Variants in CEP131 observed in about 807,000 individuals in gnomAD.
CEP131 encodes centrosomal protein 131, also known as centrosomal protein of 131 kDa.
A neutral mutation model predicts 136.8 loss-of-function variants in CEP131; 99 were observed. The ratio of observed to expected loss-of-function variants is 0.72; its 90% CI spans 0.62 to 0.86. The LOEUF is 0.86. Among genes scored for constraint, CEP131 ranks in the 40% least tolerant of loss-of-function variants. CEP131 has a pLI of 0.00. For synonymous variants in CEP131, 646 were observed against 612.7 expected, an observed-to-expected ratio of 1.05 and a Z score of -0.80; for missense variants, 1,459 against 1,463.0, an observed-to-expected ratio of 1.00 and a Z score of 0.04.
intron 1 of CEP131, among the ~76,000 whole-genome samples, chr17:81,222,104 C>T (rs1269214786): frequency 6.6e-6 from 1 of 152,234 alleles, no homozygotes; most frequent in Non-Finnish European, 1.5e-5. Flanking sequence ...GCCCTTGGAG[C>T]CCAGGACTCT....
intron 2 of CEP131, among the ~76,000 whole-genome samples, chr17:81,209,450 A>G (rs548975039): frequency 6.6e-6 from 1 of 152,360 alleles, no homozygotes; most frequent in Non-Finnish European, 1.5e-5. Context: ...AGGACTAAGG[A>G]GACGCAACCA....
In CEP131 at chr17:81,193,996, C is replaced by A. The variant is rs750745989; in HGVS notation, c.2251G>T (p.Glu751Ter). 1.3e-6 allele frequency: 2 copies of A among 1,555,344 alleles called. No individual in the cohort carries two copies. The highest frequency in any genetic ancestry group is 2.3e-5 in the East Asian group (1 of 42,728). ...ASQRCLRQAE[E>*]LREQLEREKE... Reference sequence around the variant, plus strand: ...TCCCGCTCCAGCTGCTCCCGCAGCTCCTCGGCCTGGCGCAGGCAGCGCTGC... The same window carrying A: ...TCCCGCTCCAGCTGCTCCCGCAGCTACTCGGCCTGGCGCAGGCAGCGCTGC... Residue 751 changes from glutamate (E) to a stop codon, truncating the protein, a stop_gained, in exon 18 of 26, where the codon GAG (glutamate) becomes TAG (stop). Transcript: ENST00000450824. LOFTEE classifies it high-confidence loss of function.
intron 5 of CEP131, among the ~76,000 whole-genome samples, chr17:81,205,456 A>G: frequency 1.8e-4 from 3 of 17,056 alleles, no homozygotes; most frequent in Middle Eastern, 0.033. Context: ...GTGGGGGGGT[A>G]GGAGGGGCGG....
rs1338661118 is a variant in CEP131, at chr17:81,197,055, C to T, written c.1648G>A (p.Gly550Arg). Reference sequence around the variant, plus strand: ...CCCGGCCCCGCCTCCGGCACCCACCCCTGCAGACACAGCCGAGCGTCAGGC... The same window carrying T: ...CCCGGCCCCGCCTCCGGCACCCACCTCTGCAGACACAGCCGAGCGTCAGGC... Reference protein sequence around the residue: ...GQDQLDSQQEGWVPEAGPGPL... With the variant: ...GQDQLDSQQERWVPEAGPGPL... The change falls in exon 14 of 26, where the codon GGG (glycine) becomes AGG (arginine). Residue 550 changes from glycine to arginine, a missense_variant and splice_region_variant. Around this residue, in one of 3 missense-constraint regions of CEP131, gnomAD observed 1,026 missense variants for 964.2 expected, o/e 1.06. Coordinates refer to ENST00000450824, the MANE Select transcript of CEP131 (RefSeq NM_014984.4). 3.2e-6 allele frequency: 5 copies of T among 1,585,944 alleles called. No homozygotes were observed. The highest frequency in any genetic ancestry group is 4.3e-6 in the Non-Finnish European group (5 of 1,166,400).
In CEP131 at chr17:81,219,124, A is replaced by T. The variant is rs556443733; in HGVS notation, c.177+756T>A. On this transcript the variant is annotated intron_variant, in intron 2 of 25. Coordinates refer to ENST00000450824, the MANE Select transcript of CEP131 (RefSeq NM_014984.4). The surrounding 1 kb of genome is among the most constrained non-coding windows in gnomAD (Gnocchi z 4.0). ...GCCCGGCCTGCCTTTCACAGCCCCC[A>T]TCTGGGAACCACCCACCCTCCTCCC... is the stretch of plus-strand genomic sequence containing the variant. Among the ~76,000 whole-genome samples the T allele has an allele frequency of 2.1e-3, 319 of 151,918 alleles. 2 individuals are homozygous for T. The highest frequency in any genetic ancestry group is 7.5e-3 in the African/African-American group (309 of 41,392).
In CEP131 at chr17:81,194,079, A is replaced by G; in HGVS notation, c.2168T>C (p.Val723Ala). The G allele has an allele frequency of 1.3e-6, 2 of 1,577,638 alleles. No individual in the cohort carries two copies. ...QKLIARHKQE[V>A]RRLKSLHEAE... The stretch of plus-strand genomic sequence containing the variant: ...CTCGTGCAGGCTCTTGAGCCTCCGC[A>G]CTTCCTGCTTGTGCCTTGCAATCAG... The change falls in exon 18 of 26, where the codon GTG becomes GCG. Residue 723 changes from valine (V) to alanine (A), a missense_variant. Coordinates refer to ENST00000450824, the MANE Select transcript of CEP131 (RefSeq NM_014984.4).
At chr17:81,197,450 C>A (rs892756001) in intron 13 of CEP131, 2 of 566,220 alleles carry the variant, frequency 3.5e-6, no homozygotes, top group African/African-American at 1.9e-5. Context: ...CAGCTCGGGG[C>A]AGCGGGTAGG....
intron 24 of CEP131, 75 bp from the exon 25 acceptor site, chr17:81,190,050 G>A (rs919440226): frequency 2.2e-5 from 29 of 1,342,374 alleles, no homozygotes; most frequent in Middle Eastern, 2.3e-4. Context: ...TGCACAGGGT[G>A]CACGGGGCAG....
Position 81,208,909 on chromosome 17 carries a change from C to T in CEP131, c.272+19G>A. 6.2e-7 allele frequency: 1 copy of T among 1,606,404 alleles called. No homozygotes were observed. The highest frequency in any genetic ancestry group is 8.5e-7 in the Non-Finnish European group (1 of 1,174,282). The stretch of plus-strand genomic sequence containing the variant: ...GTCCCGGGAAGGGGCCAGGGTTATC[C>T]AAGGGCCTTAGGGGTTACCTGGGGG... On this transcript the variant is annotated intron_variant, in intron 3 of 25. Coordinates refer to ENST00000450824, the MANE Select transcript of CEP131 (RefSeq NM_014984.4). The surrounding 1 kb of genome is among the most constrained non-coding windows in gnomAD (Gnocchi z 5.6).
chr17:81,207,931 CACACCAT>C (rs2146652429), intron 3 of CEP131, among the ~76,000 whole-genome samples: 4 of 146,626 alleles, frequency 2.7e-5, no homozygotes, highest in Non-Finnish European at 3.0e-5. Context: ...ACACACACCA[CACACCAT>C]ACACCACACA....
intron 19 of CEP131, 51 bp downstream of exon 19, chr17:81,192,685 G>GGGGGGGGCCC: frequency 2.1e-6 from 1 of 478,432 alleles, no homozygotes; most frequent in Non-Finnish European, 4.1e-6. Flanking sequence ...GGGGGGAGGG[G>GGGGGGGGCCC]TCAGCCAGCG....
intron 21 of CEP131, among the ~76,000 whole-genome samples, chr17:81,192,079 G>C (rs1185747045): frequency 1.3e-5 from 2 of 152,068 alleles, no homozygotes; most frequent in Admixed American, 1.3e-4. Flanking sequence ...GCCTGTTCTC[G>C]GACCACAGAG....
At position 81,190,941 on chromosome 17, in the gene CEP131, C is replaced by T. The variant is rs769203913; in HGVS notation, c.2909G>A (p.Arg970Gln). ...ATCCTCCAGCGCCCGCTCCTTCTGC[C>T]GCACAAGGCCCTGCAGACGCAGATT... ...GENLRLQGLV[R>Q]QKERALEDAQ... is the part of the protein sequence containing the mutation. Residue 970 changes from arginine (R) to glutamine (Q), a missense_variant, in exon 23 of 26, where the codon CGG becomes CAG. Transcript: ENST00000450824. The T allele has an allele frequency of 1.9e-5, 31 of 1,604,692 alleles. No homozygotes were observed. The Admixed American group carries it at 4.0e-4, about 21-fold the overall frequency.
chr17:81,202,164 GC>G, intron 7 of CEP131, 75 bp downstream of exon 7: 1 of 565,934 alleles, frequency 1.8e-6, no homozygotes. Flanking sequence ...GGAGGTGTGA[GC>G]CCCCCAGACC....
intron 2 of CEP131, among the ~76,000 whole-genome samples, chr17:81,211,378 G>A (rs1293437657): frequency 1.3e-5 from 2 of 152,214 alleles, no homozygotes; most frequent in African/African-American, 4.8e-5. Flanking sequence ...TGGGAAGCCT[G>A]GGCAGTGCCC....
At chr17:81,210,240 G>A (rs1217064990) in intron 2 of CEP131, among the ~76,000 whole-genome samples, 1 of 152,164 alleles carries the variant, frequency 6.6e-6, no homozygotes, top group Non-Finnish European at 1.5e-5. Flanking sequence ...TGTAATCCCA[G>A]CACTTTGGGA....
chr17:81,196,722 C>T lies in CEP131; in HGVS notation c.1878G>A (p.Arg626=). ...QREHYEATIQ[R]HLAFIDQLIE... ...TCACCTGGTCAATGAAGGCCAAGTG[C>T]CGCTGGATGGTGGCCTCGTAGTGCT... The change falls in exon 15 of 26, where the codon CGG becomes CGA. Residue 626 remains arginine, a synonymous_variant. Coordinates refer to ENST00000450824, the MANE Select transcript of CEP131 (RefSeq NM_014984.4). 1 of 1,605,276 alleles carries T rather than the reference C, an allele frequency of 6.2e-7. No homozygotes were observed. The highest frequency in any genetic ancestry group is 1.1e-5 in the South Asian group (1 of 90,012).
Position 81,192,848 on chromosome 17 carries a change from G to C in CEP131, c.2322-5C>G, listed in dbSNP as rs147101997. 1.2e-4 allele frequency: 198 copies of C among 1,595,990 alleles called. No homozygotes were observed. The highest frequency in any genetic ancestry group is 1.6e-4 in the Non-Finnish European group (183 of 1,178,740). On this transcript the variant is annotated splice_polypyrimidine_tract_variant and splice_region_variant and intron_variant, in intron 18 of 25. Coordinates refer to ENST00000450824, the MANE Select transcript of CEP131 (RefSeq NM_014984.4). Reference sequence around the variant, plus strand: ...TGCTCCAGGTGCTGCTGGAACCTGCGGGACGGTCAGGACTGGCTCTCGGGG... The same window carrying C: ...TGCTCCAGGTGCTGCTGGAACCTGCCGGACGGTCAGGACTGGCTCTCGGGG...
intron 15 of CEP131, 59 bp from the exon 16 acceptor site, chr17:81,196,010 G>T: frequency 7.0e-7 from 1 of 1,421,122 alleles, no homozygotes; most frequent in Non-Finnish European, 9.8e-7. Context: ...CAGGACCCCT[G>T]ATGGAGGAGA....
Sources: allele counts gnomAD v4.1 joint callset (sites outside exome capture counted in the v4.1 genomes callset), GRCh38; gene constraint gnomAD v4.1.1; regional missense constraint gnomAD v4.1.1; non-coding constraint Gnocchi (gnomAD v3.1); transcripts MANE v1.5; gene names NCBI Gene and HGNC (gene_info 2026-07-23, HGNC 2026-07-21).